Variants in MCM3AP observed in about 807,000 individuals in gnomAD.
The protein encoded by MCM3AP is germinal-center associated nuclear protein.
MCM3AP carries 126 observed loss-of-function variants against 184.1 expected under a neutral mutation model. The ratio of observed to expected loss-of-function variants is 0.68; its 90% CI spans 0.59 to 0.79. The LOEUF (loss-of-function observed/expected upper bound fraction) is 0.79, where lower values mean the gene tolerates loss of function less well. MCM3AP is among the 30% of genes least tolerant of loss of function. The pLI is 0.00. For missense variants in MCM3AP, 2,496 were observed against 2,479.2 expected (o/e 1.01, Z -0.14); for synonymous variants, 1,002 against 979.3 (o/e 1.02, Z -0.43).
At position 46,283,820 on chromosome 21, in the gene MCM3AP, G is replaced by C; in HGVS notation, c.1238C>G (p.Pro413Arg). 6.2e-7 allele frequency: 1 copy of C among 1,612,636 alleles called. No homozygotes were observed. The highest frequency in any genetic ancestry group is 8.5e-7 in the Non-Finnish European group (1 of 1,179,286). ...EKKEDSLRGT[P>R]ARQSNRSEST... ...CTCGCTTCTGTTACTCTGACGCGCC[G>C]GAGTTCCTCTTAGAGAATCTAGGGG... Residue 413 changes from proline to arginine, a missense_variant, in exon 2 of 28, where the codon CCG (proline) becomes CGG (arginine). Coordinates refer to ENST00000291688, the MANE Select transcript of MCM3AP (RefSeq NM_003906.5).
intron 26 of MCM3AP, among the ~76,000 whole-genome samples, chr21:46,239,427 A>C (rs1243573400): frequency 1.3e-5 from 2 of 152,192 alleles, no homozygotes; most frequent in African/African-American, 4.8e-5. Flanking sequence ...TCCAATTCTG[A>C]ATGTATTTTC....
intron 9 of MCM3AP, among the ~76,000 whole-genome samples, chr21:46,269,115 C>T (rs1311902586): frequency 6.6e-6 from 1 of 152,060 alleles, no homozygotes; most frequent in Non-Finnish European, 1.5e-5. Context: ...ACAACATTAA[C>T]TATGTTTTAT....
rs1198810985 is a variant in MCM3AP at position 46,284,507 on chromosome 21, G to A, written c.780C>T (p.Gly260=). Residue 260 remains glycine (G), a synonymous_variant, in exon 1 of 28, where the codon GGC becomes GGT. Coordinates refer to ENST00000291688, the MANE Select transcript of MCM3AP (RefSeq NM_003906.5). ...CTGCTTTGCTAGCCTGGAAAGGTTC[G>A]CCCAAAACCGCAGATGATACAGGGA... ...SSFPVSSAVL[G]EPFQASKAGV... The A allele has an allele frequency of 2.5e-6, 4 of 1,614,126 alleles. No homozygotes were observed. The highest frequency in any genetic ancestry group is 4.5e-5 in the East Asian group (2 of 44,878).
At chr21:46,260,765 C>G in intron 15 of MCM3AP, 28 bp downstream of exon 15, 2 of 1,515,290 alleles carry the variant, frequency 1.3e-6, no homozygotes, top group South Asian at 1.1e-5. Flanking sequence ...ACTCTCCTGG[C>G]ACAGCAAGAC....
At chr21:46,272,272 G>A (rs1241791750) in intron 8 of MCM3AP, among the ~76,000 whole-genome samples, 1 of 152,188 alleles carries the variant, frequency 6.6e-6, no homozygotes, top group East Asian at 1.9e-4. Context: ...CCTGTCTCAT[G>A]AGGAGGATTC....
chr21:46,245,043 G>A lies in MCM3AP; in HGVS notation c.4802C>T (p.Ala1601Val). The A allele has an allele frequency of 6.2e-7, 1 of 1,614,242 alleles. No homozygotes were observed. The highest frequency in any genetic ancestry group is 2.2e-5 in the East Asian group (1 of 44,884). Reference protein sequence around the residue: ...DRRERRLGGLASQEPGAIIEL... With the variant: ...DRRERRLGGLVSQEPGAIIEL... ...AATGATGGCGCCAGGCTCCTGAGAA[G>A]CAAGACCGCCCAGACGCCTCTCTCT... is the stretch of plus-strand genomic sequence containing the variant. Residue 1601 changes from alanine (A) to valine (V), a missense_variant, in exon 23 of 28, where the codon GCT becomes GTT. Ala to Val is a moderately conservative substitution (Grantham distance 64, BLOSUM62 0). This residue lies in a region of MCM3AP where 1,323 missense variants were observed against 1,273.4 expected (regional missense o/e 1.04). Transcript: ENST00000291688.
chr21:46,269,217 G>C (rs17182781), intron 9 of MCM3AP, among the ~76,000 whole-genome samples: 7,731 of 151,884 alleles, frequency 0.051, 596 homozygotes, highest in African/African-American at 0.17. Flanking sequence ...GGGCTCAAGC[G>C]ATCCTCCCAC....
At chr21:46,256,485 C>A in intron 17 of MCM3AP, 1 of 410,640 alleles carries the variant, frequency 2.4e-6, no homozygotes, top group South Asian at 3.3e-5. Flanking sequence ...GTGGCAGGTA[C>A]TTAAACTGGG....
intron 14 of MCM3AP, 100 bp from the exon 15 acceptor site, chr21:46,261,006 C>T (rs183537876): frequency 1.5e-5 from 15 of 993,244 alleles, no homozygotes; most frequent in Non-Finnish European, 2.2e-5. Context: ...TTGAGGTGTG[C>T]TGCCTGAGTC....
At chr21:46,255,211 T>C (rs2145646174) in intron 17 of MCM3AP, among the ~76,000 whole-genome samples, 1 of 152,058 alleles carries the variant, frequency 6.6e-6, no homozygotes, top group Non-Finnish European at 1.5e-5. Context: ...AGGTGATATG[T>C]GAGCAAAGAC....
chr21:46,264,221 TGGA>T lies in MCM3AP; in HGVS notation c.3235-7_3235-5del. 6.2e-7 allele frequency: 1 copy of T among 1,600,092 alleles called. No homozygotes were observed. The highest frequency in any genetic ancestry group is 8.6e-7 in the Non-Finnish European group (1 of 1,169,072). ...CGTCCACCACCTGCGCCAGGTCCTG[TGGA>T]GAGACCAGCATGGGGTGTAATGGAA... is the stretch of plus-strand genomic sequence containing the variant. On this transcript the variant is annotated splice_region_variant and splice_polypyrimidine_tract_variant and intron_variant, in intron 12 of 27. Coordinates refer to ENST00000291688, the MANE Select transcript of MCM3AP (RefSeq NM_003906.5).
chr21:46,251,546 C>G lies in MCM3AP; in HGVS notation c.4273G>C (p.Val1425Leu), dbSNP rs758176693. Residue 1425 changes from valine to leucine, a missense_variant, in exon 20 of 28, where the codon GTT becomes CTT. Physicochemically the swap from Val to Leu is conservative, Grantham distance 32 (BLOSUM62 1). Around this residue, in one of 5 missense-constraint regions of MCM3AP, gnomAD observed 1,323 missense variants for 1,273.4 expected, o/e 1.04. Coordinates refer to ENST00000291688, the MANE Select transcript of MCM3AP (RefSeq NM_003906.5). ...TAGTTCACCTTTATACACACGTTAA[C>G]AGAAATCATCTGATCCCCTTTGCTG... ...LSSKGDQMIS[V>L]NVCIKVAHGA... 6 of 1,609,716 alleles carry G rather than the reference C, an allele frequency of 3.7e-6. No homozygotes were observed. Among genetic ancestry groups the G allele is most frequent in the Non-Finnish European group, 4.2e-6 (5 of 1,176,704 alleles).
intron 6 of MCM3AP, among the ~76,000 whole-genome samples, chr21:46,274,101 T>C (rs933089585): frequency 3.3e-5 from 5 of 152,202 alleles, no homozygotes; most frequent in Non-Finnish European, 1.5e-5. Context: ...GACAAGGCCC[T>C]GGGCATGTGC....
chr21:46,283,524 GCA>G, intron 2 of MCM3AP, 89 bp downstream of exon 2: 1 of 773,230 alleles, frequency 1.3e-6, no homozygotes, highest in East Asian at 2.6e-5. Flanking sequence ...ATTATAGTAA[GCA>G]AACAACTGAG....
intron 23 of MCM3AP, chr21:46,244,594 A>G (rs2080731863): frequency 3.4e-6 from 2 of 592,202 alleles, no homozygotes; most frequent in Admixed American, 6.2e-5. Context: ...AGGAAAGGCT[A>G]ACAGCCCCCA....
Position 46,265,421 on chromosome 21 carries a change from G to C in MCM3AP, c.3134C>G (p.Pro1045Arg). 6.2e-7 allele frequency: 1 copy of C among 1,614,042 alleles called. No homozygotes were observed. The highest frequency in any genetic ancestry group is 8.5e-7 in the Non-Finnish European group (1 of 1,179,952). ...CACAGACGGGGTCAGTGCCAGGACA[G>C]GAGGCAGAGGCACTGGTGAGGGCGC... ...APAPSPVPLP[P>R]VLALTPSVAP... Residue 1045 changes from proline to arginine, a missense_variant, in exon 12 of 28, where the codon CCT (proline) becomes CGT (arginine). Physicochemically the swap from Pro to Arg is moderately radical, Grantham distance 103 (BLOSUM62 -2). Around this residue, in one of 5 missense-constraint regions of MCM3AP, gnomAD observed 1,323 missense variants for 1,273.4 expected, o/e 1.04. Transcript: ENST00000291688.
chr21:46,237,080 CT>C, intron 26 of MCM3AP, 101 bp from the exon 27 acceptor site: 1 of 486,436 alleles, frequency 2.1e-6, no homozygotes, highest in Non-Finnish European at 3.2e-6. Context: ...TAAGCCTTTG[CT>C]TTTTTAAAAT....
chr21:46,261,171 G>T, intron 14 of MCM3AP, 109 bp downstream of exon 14: 1 of 1,405,806 alleles, frequency 7.1e-7, no homozygotes, highest in African/African-American at 1.4e-5. Flanking sequence ...GTCAGCAGGG[G>T]TGGAATGGTA....
chr21:46,257,450 G>GGA (rs1369993390), intron 16 of MCM3AP, among the ~76,000 whole-genome samples: 15 of 131,026 alleles, frequency 1.1e-4, no homozygotes, highest in African/African-American at 4.5e-4. Context: ...ACTCCAGGCT[G>GGA]TGTGTACCAG....
Sources: allele counts gnomAD v4.1 joint callset (sites outside exome capture counted in the v4.1 genomes callset), GRCh38; gene constraint gnomAD v4.1.1; regional missense constraint gnomAD v4.1.1; transcripts MANE v1.5; gene names NCBI Gene and HGNC (gene_info 2026-07-23, HGNC 2026-07-21).